CUX2: variants seen among roughly 807,000 people sequenced by gnomAD.
CUX2 encodes homeobox protein cut-like 2.
A neutral mutation model predicts 144.8 loss-of-function variants in CUX2; 40 were observed. The observed-to-expected ratio is 0.28, with a 90% CI of 0.21 to 0.36. CUX2 has a LOEUF of 0.36. CUX2 is among the 10% of genes least tolerant of loss of function. The pLI is 1.00. For synonymous variants in CUX2, 827 were observed against 875.6 expected (o/e 0.94, Z 0.98); for missense variants, 1,615 against 1,994.0 (o/e 0.81, Z 3.62).
chr12:111,149,968 A>G (rs1024685924), intron 1 of CUX2, among the ~76,000 whole-genome samples: 3 of 152,218 alleles, frequency 2.0e-5, no homozygotes, highest in African/African-American at 7.2e-5. Context: ...GTAGCCTTTT[A>G]GTTAAAGATG....
At chr12:111,258,105 C>G (rs934386444) in intron 3 of CUX2, among the ~76,000 whole-genome samples, 2 of 152,206 alleles carry the variant, frequency 1.3e-5, no homozygotes, top group Non-Finnish European at 2.9e-5. Flanking sequence ...CTCATCCTGC[C>G]CCAACAGCTT....
At chr12:111,184,283 C>A (rs1383040133) in intron 1 of CUX2, among the ~76,000 whole-genome samples, 6 of 152,006 alleles carry the variant, frequency 3.9e-5, no homozygotes, top group African/African-American at 1.5e-4. Context: ...CTGGAAAAAA[C>A]CTAAGTATCC....
chr12:111,130,305 A>T (rs956973534), intron 1 of CUX2, among the ~76,000 whole-genome samples: 4 of 152,208 alleles, frequency 2.6e-5, no homozygotes, highest in Non-Finnish European at 2.9e-5. Context: ...CTTGATCTAG[A>T]ACTTTACTGC....
chr12:111,242,365 AC>A (rs1883062179), intron 3 of CUX2, among the ~76,000 whole-genome samples: 1 of 152,258 alleles, frequency 6.6e-6, no homozygotes, highest in Non-Finnish European at 1.5e-5. Context: ...TTATTGGAAC[AC>A]AGCCATGCAC....
At position 111,068,116 on chromosome 12, in the gene CUX2, C is replaced by G. The variant is rs967458797; in HGVS notation, c.63+33876C>G. On this transcript the variant is annotated intron_variant, in intron 1 of 21. Transcript: ENST00000261726. The surrounding 1 kb of genome is among the most constrained non-coding windows in gnomAD (Gnocchi z 4.9). ...CCTGGCGAAGTCCCTCCCGTGTCCC[C>G]AAGCCCACCACACCTGCTTCGTTCT... 4.6e-5 allele frequency among the ~76,000 whole-genome samples: 7 copies of G among 152,128 alleles called. No individual in the cohort carries two copies. The highest frequency in any genetic ancestry group is 1.0e-4 in the Non-Finnish European group (7 of 68,022).
intron 1 of CUX2, among the ~76,000 whole-genome samples, chr12:111,050,394 CTCTCT>C: frequency 6.6e-6 from 1 of 152,304 alleles, no homozygotes; most frequent in Non-Finnish European, 1.5e-5. Context: ...GGTGTCAAAC[CTCTCT>C]GTACAATAGC....
chr12:111,341,288 C>T (rs1196223298), intron 20 of CUX2, among the ~76,000 whole-genome samples: 5 of 151,802 alleles, frequency 3.3e-5, no homozygotes, highest in Admixed American at 1.3e-4. Context: ...AGAGAGACCC[C>T]ATCTCTACAA....
intron 3 of CUX2, among the ~76,000 whole-genome samples, chr12:111,260,984 G>C (rs1354036559): frequency 1.3e-5 from 2 of 152,206 alleles, no homozygotes; most frequent in African/African-American, 4.8e-5. Context: ...TTTCTTGGGT[G>C]CCAAGTCACC....
rs555597635 is a variant in CUX2 at position 111,057,979 on chromosome 12, A to G, written c.63+23739A>G. ...GCAACAGCACTTTTGAAATCTCTGG[A>G]TAGTTTTGAACTCTCTGTTCTTAAT... On this transcript the variant is annotated intron_variant, in intron 1 of 21. Coordinates refer to ENST00000261726, the MANE Select transcript of CUX2 (RefSeq NM_015267.4). The surrounding 1 kb of genome is among the most constrained non-coding windows in gnomAD (Gnocchi z 5.1). Among the ~76,000 whole-genome samples the G allele has an allele frequency of 6.6e-6, 1 of 152,298 alleles. No homozygotes were observed. The highest frequency in any genetic ancestry group is 2.4e-5 in the African/African-American group (1 of 41,556).
chr12:111,190,278 C>T lies in CUX2; in HGVS notation c.64-23922C>T, dbSNP rs573057606. On this transcript the variant is annotated intron_variant, in intron 1 of 21. Transcript: ENST00000261726. This position sits in a 1 kb window ranked among gnomAD's most constrained non-coding sequence, Gnocchi z 4.0. ...GCCTTGCCTTTGCGCTTTTATTGCACTTGTTCTTTTTAATGCAACAATTAC... is the reference window on the plus strand; with the variant it reads ...GCCTTGCCTTTGCGCTTTTATTGCATTTGTTCTTTTTAATGCAACAATTAC... Among the ~76,000 whole-genome samples, 4 of 152,120 alleles carry T rather than the reference C, an allele frequency of 2.6e-5. No homozygotes were observed. Among genetic ancestry groups the T allele is most frequent in the Non-Finnish European group, 5.9e-5 (4 of 68,030 alleles).
chr12:111,089,150 G>C (rs772180584), intron 1 of CUX2, among the ~76,000 whole-genome samples: 2 of 152,194 alleles, frequency 1.3e-5, no homozygotes, highest in African/African-American at 4.8e-5. Context: ...TAATGATCAC[G>C]GTCAGTTTGC....
chr12:111,091,582 G>A (rs1452023139), intron 1 of CUX2, among the ~76,000 whole-genome samples: 1 of 152,206 alleles, frequency 6.6e-6, no homozygotes, highest in Non-Finnish European at 1.5e-5. Context: ...CTGGGGTTCT[G>A]TGCACTTTTT....
At chr12:111,288,688 C>T (rs1428807018) in intron 4 of CUX2, among the ~76,000 whole-genome samples, 2 of 152,060 alleles carry the variant, frequency 1.3e-5, no homozygotes, top group Non-Finnish European at 2.9e-5. Context: ...TTTGGCCGGG[C>T]GCAGTAGCTC....
intron 18 of CUX2, among the ~76,000 whole-genome samples, chr12:111,328,547 C>T (rs967975619): frequency 1.3e-5 from 2 of 151,916 alleles, no homozygotes. Context: ...CTCTGTCTCT[C>T]TCCTGATCTC....
chr12:111,132,330 A>G (rs1248031604), intron 1 of CUX2, among the ~76,000 whole-genome samples: 1 of 152,082 alleles, frequency 6.6e-6, no homozygotes, highest in African/African-American at 2.4e-5. Context: ...AGCCCATGAA[A>G]TCACTTTTTC....
intron 1 of CUX2, among the ~76,000 whole-genome samples, chr12:111,053,545 C>T (rs1325565372): frequency 6.6e-6 from 1 of 152,230 alleles, no homozygotes; most frequent in African/African-American, 2.4e-5. Context: ...TCACTATCTC[C>T]GCTTCTACAT....
intron 6 of CUX2, among the ~76,000 whole-genome samples, chr12:111,294,343 A>G (rs1027176007): frequency 2.6e-5 from 4 of 152,174 alleles, no homozygotes; most frequent in Non-Finnish European, 5.9e-5. Context: ...CCTGACCTCA[A>G]GTGATCCTCC....
rs773920305 is a variant in CUX2, at chr12:111,291,438, G to A, written c.322G>A (p.Ala108Thr). 28 of 1,611,322 alleles carry A rather than the reference G, an allele frequency of 1.7e-5. No homozygotes were observed. The highest frequency in any genetic ancestry group is 2.0e-5 in the Non-Finnish European group (23 of 1,178,804). The change falls in exon 5 of 22, where the codon GCG (alanine) becomes ACG (threonine). Residue 108 changes from alanine to threonine, a missense_variant. Physicochemically the swap from Ala to Thr is moderately conservative, Grantham distance 58. Coordinates refer to ENST00000261726, the MANE Select transcript of CUX2 (RefSeq NM_015267.4). ...CACAGACCCCGTGCCTGTGTTTGAG[G>A]CGGCACGCAGCCTAGACGACAGACT... ...EAPDPVPVFEAARSLDDRLQP... is the reference protein window; with the variant it reads ...EAPDPVPVFETARSLDDRLQP...
rs1870769521 is a variant in CUX2, at chr12:111,061,426, C to T, written c.63+27186C>T. On this transcript the variant is annotated intron_variant, in intron 1 of 21. Transcript: ENST00000261726. The surrounding 1 kb of genome is among the most constrained non-coding windows in gnomAD (Gnocchi z 4.2). ...GGGTTTTCGGGGAATCCCACGACTG[C>T]AAGTGAAAGAAGGGCTTTTTAAAAG... 6.6e-6 allele frequency among the ~76,000 whole-genome samples: 1 copy of T among 152,100 alleles called. No individual in the cohort carries two copies. The highest frequency in any genetic ancestry group is 1.5e-5 in the Non-Finnish European group (1 of 68,026).
Sources: allele counts gnomAD v4.1 joint callset (sites outside exome capture counted in the v4.1 genomes callset), GRCh38; gene constraint gnomAD v4.1.1; non-coding constraint Gnocchi (gnomAD v3.1); transcripts MANE v1.5; gene names NCBI Gene and HGNC (gene_info 2026-07-23, HGNC 2026-07-21).